NCKAP5: variants seen among roughly 807,000 people sequenced by gnomAD.
NCKAP5 encodes nck-associated protein 5.
NCKAP5 carries 92 observed loss-of-function variants against 167.0 expected under a neutral mutation model. The observed-to-expected ratio is 0.55, with a 90% confidence interval of 0.47 to 0.66. The LOEUF (loss-of-function observed/expected upper bound fraction) is 0.66. Ranked by LOEUF, NCKAP5 falls within the 30% of genes least tolerant of loss-of-function variation. The pLI is 0.00. For missense variants in NCKAP5, 2,378 were observed against 2,315.0 expected (o/e 1.03, Z -0.56); for synonymous variants, 891 against 877.4 (o/e 1.02, Z -0.27).
intron 4 of NCKAP5, among the ~76,000 whole-genome samples, chr2:133,282,497 C>T (rs1011346742): frequency 2.6e-5 from 4 of 151,986 alleles, no homozygotes; most frequent in Admixed American, 6.6e-5. Context: ...TTATTTTTAA[C>T]GGGAATTGGA....
intron 16 of NCKAP5, among the ~76,000 whole-genome samples, chr2:132,751,843 A>G (rs1024068510): frequency 6.6e-6 from 1 of 152,184 alleles, no homozygotes; most frequent in African/African-American, 2.4e-5. Context: ...ACCACCATCC[A>G]ATACAACTTA....
In NCKAP5 at chr2:132,916,774, T is replaced by C. The variant is rs78329215; in HGVS notation, c.580-37858A>G. 9.6e-3 allele frequency among the ~76,000 whole-genome samples: 1,467 copies of C among 152,078 alleles called. 16 individuals are homozygous for C. Among genetic ancestry groups the C allele is most frequent in the African/African-American group, 0.034 (1,405 of 41,578 alleles). On this transcript the variant is annotated intron_variant, in intron 8 of 19. Coordinates refer to ENST00000409261, the MANE Select transcript of NCKAP5 (RefSeq NM_207363.3). ...TGGAATCATCACTACAATTTTACTG[T>C]GGACTCAAATGATGATTTTCTCAAG...
chr2:133,362,995 T>C (rs1238701745), intron 3 of NCKAP5, among the ~76,000 whole-genome samples: 1 of 151,916 alleles, frequency 6.6e-6, no homozygotes, highest in East Asian at 1.9e-4. Context: ...CTCGATCTCC[T>C]GACCCTGTGA....
intron 11 of NCKAP5, among the ~76,000 whole-genome samples, chr2:132,816,630 C>G (rs1377696690): frequency 6.6e-6 from 1 of 152,138 alleles, no homozygotes; most frequent in Non-Finnish European, 1.5e-5. Flanking sequence ...CCTCTCTGCT[C>G]ACCCACCTGA....
chr2:133,479,537 A>G (rs1357598469), intron 3 of NCKAP5, among the ~76,000 whole-genome samples: 1 of 152,256 alleles, frequency 6.6e-6, no homozygotes, highest in African/African-American at 2.4e-5. Flanking sequence ...TAAATGCTCC[A>G]GGTGATGGAT....
In NCKAP5 at chr2:132,782,918, C is replaced by G; in HGVS notation, c.3893G>C (p.Arg1298Pro). ...TPPIEGSGKVRTQIITNTAER... is the reference protein window; with the variant it reads ...TPPIEGSGKVPTQIITNTAER... ...GGCGGTATTGGTAATGATCTGAGTG[C>G]GGACTTTGCCTGACCCTTCGATGGG... Residue 1298 changes from arginine (R) to proline (P), a missense_variant, in exon 14 of 20, where the codon CGC (arginine) becomes CCC (proline). Around this residue, in one of 3 missense-constraint regions of NCKAP5, gnomAD observed 1,325 missense variants for 1,274.5 expected, o/e 1.04. Transcript: ENST00000409261. 2 of 1,613,936 alleles carry G rather than the reference C, an allele frequency of 1.2e-6. No homozygotes were observed. The highest frequency in any genetic ancestry group is 1.7e-6 in the Non-Finnish European group (2 of 1,179,864).
intron 3 of NCKAP5, among the ~76,000 whole-genome samples, chr2:133,487,495 T>A (rs536432097): frequency 2.1e-4 from 32 of 152,252 alleles, no homozygotes; most frequent in Admixed American, 1.0e-3. Flanking sequence ...CATAGAATGG[T>A]CAGGGGGTGG....
chr2:133,033,947 A>G (rs1035097060), intron 6 of NCKAP5, among the ~76,000 whole-genome samples: 1 of 152,172 alleles, frequency 6.6e-6, no homozygotes, highest in Admixed American at 6.5e-5. Flanking sequence ...AGGAGTAGAA[A>G]GTTTATTCAA....
At chr2:133,427,884 A>G (rs1574938573) in intron 3 of NCKAP5, among the ~76,000 whole-genome samples, 1 of 152,140 alleles carries the variant, frequency 6.6e-6, no homozygotes, top group East Asian at 1.9e-4. Context: ...AAATCCTGAA[A>G]TTCTGATGCA....
intron 3 of NCKAP5, among the ~76,000 whole-genome samples, chr2:133,456,039 G>C (rs1259831758): frequency 6.6e-6 from 1 of 152,108 alleles, no homozygotes; most frequent in Non-Finnish European, 1.5e-5. Flanking sequence ...GCCATATCTT[G>C]TTAGATTCTC....
intron 3 of NCKAP5, among the ~76,000 whole-genome samples, chr2:133,342,356 C>T (rs1026282411): frequency 2.6e-5 from 4 of 152,102 alleles, no homozygotes; most frequent in Non-Finnish European, 5.9e-5. Flanking sequence ...AGATGACCCA[C>T]GGACCATGTT....
intron 6 of NCKAP5, among the ~76,000 whole-genome samples, chr2:133,001,855 GA>G (rs917011056): frequency 4.0e-5 from 6 of 150,846 alleles, no homozygotes; most frequent in African/African-American, 1.2e-4. Flanking sequence ...AAATATTCAG[GA>G]AAAAAAAACT....
intron 3 of NCKAP5, among the ~76,000 whole-genome samples, chr2:133,457,738 A>T (rs1361897229): frequency 1.3e-5 from 2 of 152,182 alleles, no homozygotes; most frequent in Non-Finnish European, 2.9e-5. Context: ...ATCTATTCTT[A>T]AAGGGCCAGT....
At chr2:133,188,166 C>T (rs940776884) in intron 5 of NCKAP5, among the ~76,000 whole-genome samples, 2 of 151,796 alleles carry the variant, frequency 1.3e-5, no homozygotes, top group Non-Finnish European at 2.9e-5. Context: ...TAAGGCAGAC[C>T]TGGTGGTGAC....
At chr2:133,225,779 CTTTTT>C (rs1003972708) in intron 4 of NCKAP5, among the ~76,000 whole-genome samples, 1 of 39,732 alleles carries the variant, frequency 2.5e-5, no homozygotes, top group African/African-American at 9.1e-5. Flanking sequence ...ATGCCCTGTT[CTTTTT>C]TTTTTTTTTT....
intron 11 of NCKAP5, among the ~76,000 whole-genome samples, chr2:132,849,544 T>A (rs1409249891): frequency 6.6e-6 from 1 of 152,154 alleles, no homozygotes; most frequent in Non-Finnish European, 1.5e-5. Context: ...AGCAAACAGA[T>A]CATTTGTTGC....
At chr2:132,989,679 G>A (rs1038445925) in intron 7 of NCKAP5, among the ~76,000 whole-genome samples, 5 of 152,158 alleles carry the variant, frequency 3.3e-5, no homozygotes, top group Non-Finnish European at 7.4e-5. Flanking sequence ...TATTGAGACA[G>A]TGACTTTGTG....
chr2:133,498,434 G>A (rs577107308), intron 3 of NCKAP5, among the ~76,000 whole-genome samples: 346 of 33,902 alleles, frequency 0.01, 1 homozygote, highest in Non-Finnish European at 0.017. Context: ...TGAGAAAAAC[G>A]GAAGGAAGGA....
chr2:132,978,979 C>T (rs2077054538), intron 7 of NCKAP5, among the ~76,000 whole-genome samples: 1 of 152,080 alleles, frequency 6.6e-6, no homozygotes, highest in South Asian at 2.1e-4. Flanking sequence ...GTTTGGGCCA[C>T]TCTAGAAACT....
Sources: allele counts gnomAD v4.1 joint callset (sites outside exome capture counted in the v4.1 genomes callset), GRCh38; gene constraint gnomAD v4.1.1; regional missense constraint gnomAD v4.1.1; transcripts MANE v1.5; gene names NCBI Gene and HGNC (gene_info 2026-07-23, HGNC 2026-07-21).